Variants in PIAS1 observed in about 807,000 individuals in gnomAD.
The protein encoded by PIAS1 is E3 SUMO-protein ligase PIAS1.
In PIAS1, 6 loss-of-function variants were observed where a neutral mutation model predicts 71.3. The observed-to-expected ratio is 0.08, with a 90% CI of 0.05 to 0.17. The LOEUF (loss-of-function observed/expected upper bound fraction) is 0.17, where lower values mean the gene tolerates loss of function less well. PIAS1 is among the 10% of genes least tolerant of loss of function. PIAS1 has a pLI of 1.00. For synonymous variants in PIAS1, 303 were observed against 292.9 expected (o/e 1.03, Z -0.35); for missense variants, 555 against 793.6 (o/e 0.70, Z 3.61).
chr15:68,150,947 G>T lies in PIAS1; in HGVS notation c.829-2643G>T, dbSNP rs1160658385. ...TCAGGGATACTCAACTTGTACTAGT[G>T]TAAGGGGCACATAATGAATAGAGTA... is the stretch of plus-strand genomic sequence containing the variant. On this transcript the variant is annotated intron_variant, in intron 6 of 13. Coordinates refer to ENST00000249636, the MANE Select transcript of PIAS1 (RefSeq NM_016166.3). 2.0e-5 allele frequency among the ~76,000 whole-genome samples: 3 copies of T among 152,078 alleles called. 1 individual carries two copies. In the South Asian group the frequency reaches 6.2e-4, roughly 31 times the overall value.
At chr15:68,097,711 G>T (rs2092388724) in intron 2 of PIAS1, among the ~76,000 whole-genome samples, 2 of 152,168 alleles carry the variant, frequency 1.3e-5, no homozygotes, top group African/African-American at 4.8e-5. Context: ...GGGATTACAG[G>T]TGTGAGCCAC....
In PIAS1 at chr15:68,185,220, T is replaced by C. The variant is rs1391799196; in HGVS notation, c.1662+1553T>C. ...CTAAGGAGGATCTTTGCCCAGGCTA[T>C]TGCTGCAACTGAAAAACACCGAGAG... On this transcript the variant is annotated intron_variant, in intron 13 of 13. Coordinates refer to ENST00000249636, the MANE Select transcript of PIAS1 (RefSeq NM_016166.3). This position sits in a 1 kb window ranked among gnomAD's most constrained non-coding sequence, Gnocchi z 4.4. 6.6e-6 allele frequency among the ~76,000 whole-genome samples: 1 copy of C among 152,180 alleles called. No individual in the cohort carries two copies. The highest frequency in any genetic ancestry group is 2.4e-5 in the African/African-American group (1 of 41,450).
At chr15:68,158,046 G>T (rs907844237) in intron 7 of PIAS1, among the ~76,000 whole-genome samples, 2 of 152,032 alleles carry the variant, frequency 1.3e-5, no homozygotes, top group African/African-American at 4.8e-5. Flanking sequence ...TCCTCTGGTA[G>T]CCTCCTAAGT....
At chr15:68,155,009 T>C (rs1345308525) in intron 7 of PIAS1, among the ~76,000 whole-genome samples, 1 of 152,130 alleles carries the variant, frequency 6.6e-6, no homozygotes, top group East Asian at 1.9e-4. Context: ...AGCAAAGAAT[T>C]ATGTGAGCCT....
intron 2 of PIAS1, among the ~76,000 whole-genome samples, chr15:68,088,200 A>ATATATATATATATATATATG (rs1487846650): frequency 7.0e-6 from 1 of 143,416 alleles, no homozygotes; most frequent in Non-Finnish European, 1.5e-5. Context: ...ATATATATAT[A>ATATATATATATATATATATG]TCCCATTTTA....
rs573482209 is a variant in PIAS1, at chr15:68,181,195, A to C, written c.1482-17A>C. ...TAACTGGCTAATGAAAACTATGCCA[A>C]TCTTTCCTTCTTCCAGCATTTTAAG... On this transcript the variant is annotated splice_polypyrimidine_tract_variant and intron_variant, in intron 11 of 13. Transcript: ENST00000249636. The C allele has an allele frequency of 6.2e-7, 1 of 1,611,008 alleles. No individual in the cohort carries two copies. The highest frequency in any genetic ancestry group is 1.7e-5 in the Admixed American group (1 of 59,662).
rs778152603 is a variant in PIAS1 at position 68,054,399 on chromosome 15, G to T, written c.24+49G>T. On this transcript the variant is annotated intron_variant, in intron 1 of 13. Coordinates refer to ENST00000249636, the MANE Select transcript of PIAS1 (RefSeq NM_016166.3). This position sits in a 1 kb window ranked among gnomAD's most constrained non-coding sequence, Gnocchi z 4.6. ...TCTAATATTCGGCCGCGGAGACGGC[G>T]CCGCTGCTGCCAGGGGGGATGGGTC... 2.3e-5 allele frequency: 35 copies of T among 1,542,654 alleles called. No homozygotes were observed. In the African/African-American group the frequency reaches 4.3e-4, roughly 19 times the overall value.
chr15:68,098,251 A>G lies in PIAS1; in HGVS notation c.469+11501A>G, dbSNP rs144582270. Among the ~76,000 whole-genome samples the G allele has an allele frequency of 1.5e-3, 229 of 152,336 alleles. 1 individual carries two copies. Among genetic ancestry groups the G allele is most frequent in the African/African-American group, 5.2e-3 (216 of 41,586 alleles). ...AACAGTTGATTAACACGTATTTTGT[A>G]TATGTATGTATTGTGTACTGTATTC... On this transcript the variant is annotated intron_variant, in intron 2 of 13. Transcript: ENST00000249636.
chr15:68,145,938 T>C, intron 5 of PIAS1, 32 bp downstream of exon 5: 2 of 1,199,596 alleles, frequency 1.7e-6, no homozygotes, highest in Non-Finnish European at 2.5e-6. Flanking sequence ...TTAAAATTCA[T>C]TGCCAACATA....
At chr15:68,112,119 C>A (rs1019631439) in intron 2 of PIAS1, among the ~76,000 whole-genome samples, 3 of 152,140 alleles carry the variant, frequency 2.0e-5, no homozygotes, top group African/African-American at 7.2e-5. Context: ...GTGCCTACAT[C>A]TCTGTCCGTT....
intron 2 of PIAS1, among the ~76,000 whole-genome samples, chr15:68,091,370 A>G (rs2092331555): frequency 6.6e-6 from 1 of 152,160 alleles, no homozygotes; most frequent in African/African-American, 2.4e-5. Flanking sequence ...AAAACACAGA[A>G]TACTTTCATG....
chr15:68,167,838 T>TA lies in PIAS1; in HGVS notation c.1008+3035dup, dbSNP rs2092966885. Among the ~76,000 whole-genome samples the TA allele has an allele frequency of 6.6e-6, 1 of 152,082 alleles. No homozygotes were observed. The highest frequency in any genetic ancestry group is 1.5e-5 in the Non-Finnish European group (1 of 68,022). ...CCTCTGCTTCAGCCTCCCAAGTAGC[T>TA]AGAACTACAGGTGCACGCCACCACG... On this transcript the variant is annotated intron_variant, in intron 8 of 13. Coordinates refer to ENST00000249636, the MANE Select transcript of PIAS1 (RefSeq NM_016166.3). This position sits in a 1 kb window ranked among gnomAD's most constrained non-coding sequence, Gnocchi z 4.4.
intron 2 of PIAS1, among the ~76,000 whole-genome samples, chr15:68,096,587 T>A (rs2092377651): frequency 6.6e-6 from 1 of 152,126 alleles, no homozygotes; most frequent in African/African-American, 2.4e-5. Context: ...TATTTTTAAT[T>A]TCTTTCAGAA....
chr15:68,128,036 A>G (rs926193314), intron 2 of PIAS1, among the ~76,000 whole-genome samples: 1 of 152,144 alleles, frequency 6.6e-6, no homozygotes, highest in African/African-American at 2.4e-5. Context: ...AAGTGCTAGG[A>G]TTACAGGCGT....
At chr15:68,099,901 A>G (rs1053456785) in intron 2 of PIAS1, among the ~76,000 whole-genome samples, 25 of 152,022 alleles carry the variant, frequency 1.6e-4, no homozygotes, top group African/African-American at 5.8e-4. Flanking sequence ...ATCTTTCCAC[A>G]TACTTATTTG....
At chr15:68,088,706 GAA>G (rs2092308311) in intron 2 of PIAS1, among the ~76,000 whole-genome samples, 1 of 152,030 alleles carries the variant, frequency 6.6e-6, no homozygotes, top group East Asian at 1.9e-4. Flanking sequence ...AATATTTATT[GAA>G]AAAAGATTTT....
intron 2 of PIAS1, among the ~76,000 whole-genome samples, chr15:68,096,112 G>C (rs1270798747): frequency 6.6e-6 from 1 of 152,182 alleles, no homozygotes; most frequent in Admixed American, 6.5e-5. Flanking sequence ...GTCCTTTCAA[G>C]ATAATCTGCA....
chr15:68,135,027 T>C (rs1280404459), intron 2 of PIAS1, among the ~76,000 whole-genome samples: 14 of 32,314 alleles, frequency 4.3e-4, no homozygotes, highest in East Asian at 9.5e-4. Context: ...GGCTCCTCAC[T>C]TCCCAGTAGG....
chr15:68,170,223 G>C (rs1319508638), intron 8 of PIAS1, among the ~76,000 whole-genome samples: 3 of 152,170 alleles, frequency 2.0e-5, no homozygotes, highest in African/African-American at 4.8e-5. Context: ...TTTGAGAAAT[G>C]CACTATTAGG....
Sources: allele counts gnomAD v4.1 joint callset (sites outside exome capture counted in the v4.1 genomes callset), GRCh38; gene constraint gnomAD v4.1.1; non-coding constraint Gnocchi (gnomAD v3.1); transcripts MANE v1.5; gene names NCBI Gene and HGNC (gene_info 2026-07-23, HGNC 2026-07-21).